The following LRRC4C variants were observed in gnomAD, a reference collection of about 807,000 sequenced individuals.
The protein encoded by LRRC4C is leucine rich repeat containing 4C.
A neutral mutation model predicts 33.6 loss-of-function variants in LRRC4C; 5 were observed. The ratio of observed to expected loss-of-function variants is 0.15; its 90% CI spans 0.08 to 0.31. The LOEUF is 0.31. Ranked by LOEUF, LRRC4C falls within the 10% of genes least tolerant of loss-of-function variation. LRRC4C has a pLI of 1.00. For synonymous variants in LRRC4C, 329 were observed against 302.0 expected, an observed-to-expected ratio of 1.09 and a Z score of -0.93; for missense variants, 560 against 796.7, an observed-to-expected ratio of 0.70 and a Z score of 3.58.
chr11:40,382,025 C>T (rs958979473), intron 3 of LRRC4C, among the ~76,000 whole-genome samples: 1 of 133,714 alleles, frequency 7.5e-6, no homozygotes, highest in Non-Finnish European at 1.5e-5. Flanking sequence ...GGTGCAATCT[C>T]GGCTCACTGC....
intron 1 of LRRC4C, among the ~76,000 whole-genome samples, chr11:40,960,134 G>GGGAA (rs551883780): frequency 1.2e-3 from 173 of 148,282 alleles, no homozygotes; most frequent in East Asian, 3.0e-3. Context: ...GAAGGAAGGA[G>GGGAA]GGAAGGAAGG....
At chr11:41,081,990 G>T (rs918386378) in intron 1 of LRRC4C, among the ~76,000 whole-genome samples, 1 of 152,074 alleles carries the variant, frequency 6.6e-6, no homozygotes, top group Non-Finnish European at 1.5e-5. Flanking sequence ...AATTTAAAAG[G>T]CACTTTCCAG....
intron 2 of LRRC4C, among the ~76,000 whole-genome samples, chr11:40,811,365 G>C (rs999649419): frequency 6.6e-6 from 1 of 152,070 alleles, no homozygotes; most frequent in African/African-American, 2.4e-5. Context: ...GATAAACTGT[G>C]CTTGTACAAG....
rs558902358 is a variant in LRRC4C at position 41,293,445 on chromosome 11, G to T, written c.-496+165986C>A. Among the ~76,000 whole-genome samples the T allele has an allele frequency of 2.0e-5, 3 of 152,204 alleles. No homozygotes were observed. In the East Asian group the frequency reaches 5.8e-4, roughly 29 times the overall value. Reference sequence around the variant, plus strand: ...ATTAATAGTGATTAAATTTTAGACTGTTGATGAGAGGCAAATGAGAAGACA... The same window carrying T: ...ATTAATAGTGATTAAATTTTAGACTTTTGATGAGAGGCAAATGAGAAGACA... On this transcript the variant is annotated intron_variant, in intron 1 of 6. Coordinates refer to ENST00000528697, the MANE Select transcript of LRRC4C (RefSeq NM_001258419.2).
intron 1 of LRRC4C, among the ~76,000 whole-genome samples, chr11:41,359,616 T>C (rs1222705543): frequency 6.6e-6 from 1 of 152,130 alleles, no homozygotes; most frequent in East Asian, 1.9e-4. Flanking sequence ...CATGCAAAAA[T>C]TGTAATGCAA....
chr11:40,404,787 A>C (rs1226202472), intron 3 of LRRC4C, among the ~76,000 whole-genome samples: 2 of 152,056 alleles, frequency 1.3e-5, no homozygotes, highest in Non-Finnish European at 2.9e-5. Flanking sequence ...CCATATCATG[A>C]TGTTGCAAAT....
chr11:40,610,502 A>G (rs1961102797), intron 3 of LRRC4C, among the ~76,000 whole-genome samples: 1 of 151,766 alleles, frequency 6.6e-6, no homozygotes, highest in African/African-American at 2.4e-5. Flanking sequence ...TCTATTAAAC[A>G]TAGTCCTGGG....
intron 6 of LRRC4C, among the ~76,000 whole-genome samples, chr11:40,131,983 C>T (rs1000150526): frequency 6.6e-6 from 1 of 152,098 alleles, no homozygotes; most frequent in African/African-American, 2.4e-5. Context: ...GGTTTCAAAT[C>T]ATTTATGAAC....
intron 5 of LRRC4C, among the ~76,000 whole-genome samples, chr11:40,188,385 A>G (rs928754121): frequency 1.3e-5 from 2 of 152,246 alleles, no homozygotes; most frequent in African/African-American, 2.4e-5. Context: ...GGCATCAAGT[A>G]ATGAAATTTT....
intron 3 of LRRC4C, among the ~76,000 whole-genome samples, chr11:40,340,757 G>T (rs1946830124): frequency 6.6e-6 from 1 of 152,160 alleles, no homozygotes; most frequent in Non-Finnish European, 1.5e-5. Flanking sequence ...TAGCAGAGCT[G>T]AGGTTAAATA....
At chr11:40,531,179 A>G (rs1426841848) in intron 3 of LRRC4C, among the ~76,000 whole-genome samples, 1 of 152,086 alleles carries the variant, frequency 6.6e-6, no homozygotes, top group Non-Finnish European at 1.5e-5. Context: ...AATTGAGAGG[A>G]AAGTATGGAA....
chr11:41,134,795 T>G (rs1411675325), intron 1 of LRRC4C, among the ~76,000 whole-genome samples: 1 of 152,106 alleles, frequency 6.6e-6, no homozygotes, highest in East Asian at 1.9e-4. Context: ...TCTGAAGAAG[T>G]GAAGGTTAGG....
intron 2 of LRRC4C, among the ~76,000 whole-genome samples, chr11:40,677,347 C>A (rs1358685416): frequency 6.6e-6 from 1 of 152,108 alleles, no homozygotes; most frequent in East Asian, 1.9e-4. Context: ...AATCGCACCA[C>A]AGCACTCCAG....
intron 1 of LRRC4C, among the ~76,000 whole-genome samples, chr11:40,968,543 C>G (rs546802703): frequency 4.3e-4 from 65 of 152,194 alleles, no homozygotes; most frequent in Non-Finnish European, 8.5e-4. Context: ...CTTCAAAGAG[C>G]AGTCTGACTC....
intron 1 of LRRC4C, among the ~76,000 whole-genome samples, chr11:41,255,612 T>C (rs1948774004): frequency 6.6e-6 from 1 of 151,846 alleles, no homozygotes; most frequent in South Asian, 2.1e-4. Context: ...CAGGAAGAGG[T>C]GAAATTGTAA....
At chr11:41,284,726 G>A (rs1388150267) in intron 1 of LRRC4C, among the ~76,000 whole-genome samples, 1 of 152,200 alleles carries the variant, frequency 6.6e-6, no homozygotes, top group African/African-American at 2.4e-5. Flanking sequence ...CTCAGGGCAT[G>A]TGACTGGATT....
At chr11:40,991,204 T>TAAAAAAAAAAA (rs1186155913) in intron 1 of LRRC4C, among the ~76,000 whole-genome samples, 1 of 103,340 alleles carries the variant, frequency 9.7e-6, no homozygotes, top group Non-Finnish European at 1.9e-5. Flanking sequence ...TCCCAATATG[T>TAAAAAAAAAAA]AAAAAAAAAA....
intron 3 of LRRC4C, among the ~76,000 whole-genome samples, chr11:40,441,418 G>C (rs1364738102): frequency 6.6e-6 from 1 of 152,156 alleles, no homozygotes; most frequent in Non-Finnish European, 1.5e-5. Flanking sequence ...TGTTTAGTAC[G>C]ATTCGCTGTA....
chr11:41,115,172 C>G (rs1380761187), intron 1 of LRRC4C, among the ~76,000 whole-genome samples: 1 of 151,948 alleles, frequency 6.6e-6, no homozygotes, highest in East Asian at 1.9e-4. Context: ...ACTTAAAGAA[C>G]AAACTGTAAC....
Sources: allele counts gnomAD v4.1 joint callset (sites outside exome capture counted in the v4.1 genomes callset), GRCh38; gene constraint gnomAD v4.1.1; transcripts MANE v1.5; gene names NCBI Gene and HGNC (gene_info 2026-07-23, HGNC 2026-07-21).